The following INTS7 variants were observed in gnomAD, a reference collection of about 807,000 sequenced individuals.
INTS7 encodes integrator complex subunit 7.
A neutral mutation model predicts 109.2 loss-of-function variants in INTS7; 46 were observed. The observed-to-expected ratio is 0.42, with a 90% CI of 0.33 to 0.54. The LOEUF (loss-of-function observed/expected upper bound fraction) is 0.54. INTS7 is among the 20% of genes least tolerant of loss of function. The probability of loss-of-function intolerance (pLI) is 0.07; values close to 1 mark genes in which losing one functional copy is unlikely to be tolerated. For missense variants in INTS7, 929 were observed against 1,132.4 expected (o/e 0.82, Z 2.58); for synonymous variants, 412 against 402.9 (o/e 1.02, Z -0.27).
intron 7 of INTS7, among the ~76,000 whole-genome samples, chr1:211,997,394 G>A (rs1431199643): frequency 6.6e-6 from 1 of 151,716 alleles, no homozygotes; most frequent in South Asian, 2.1e-4. Context: ...AAATTAGACA[G>A]GCATGGTGGC....
chr1:212,012,929 T>TTGGAAGCACTGGAAGTATATATTTAATC (rs1666223572), intron 4 of INTS7, among the ~76,000 whole-genome samples: 1 of 152,198 alleles, frequency 6.6e-6, no homozygotes, highest in East Asian at 1.9e-4. Flanking sequence ...AAAACTATTT[T>TTGGAAGCACTGGAAGTATATATTTAATC]TGGAAGCACT....
At chr1:211,963,373 C>T (rs1348321627) in intron 16 of INTS7, among the ~76,000 whole-genome samples, 1 of 151,896 alleles carries the variant, frequency 6.6e-6, no homozygotes, top group Non-Finnish European at 1.5e-5. Flanking sequence ...AAAAAAAGCC[C>T]AGGACAAGAT....
intron 7 of INTS7, among the ~76,000 whole-genome samples, chr1:211,990,792 G>C (rs967951268): frequency 2.0e-5 from 3 of 152,188 alleles, no homozygotes; most frequent in Non-Finnish European, 2.9e-5. Context: ...AGTAAGATGG[G>C]GGGGATTAGG....
chr1:211,989,679 G>A lies in INTS7; in HGVS notation c.880-1676C>T, dbSNP rs556427363. On this transcript the variant is annotated intron_variant, in intron 7 of 19. Coordinates refer to ENST00000366994, the MANE Select transcript of INTS7 (RefSeq NM_015434.4). ...TCTACTAAAAACACAAAAATCAGCC[G>A]GGTGTGGTGGTGCACACCTGTAGTA... 4.2e-4 allele frequency among the ~76,000 whole-genome samples: 64 copies of A among 152,014 alleles called. 1 individual carries two copies. The highest frequency in any genetic ancestry group is 6.8e-3 in the Middle Eastern group (2 of 294).
At chr1:211,965,618 T>TAA (rs1663836606) in intron 16 of INTS7, among the ~76,000 whole-genome samples, 1 of 151,390 alleles carries the variant, frequency 6.6e-6, no homozygotes, top group Non-Finnish European at 1.5e-5. Context: ...TACGCAGCCA[T>TAA]AAAAAAGAAG....
At chr1:211,962,410 C>G (rs929612926) in intron 16 of INTS7, among the ~76,000 whole-genome samples, 8 of 152,102 alleles carry the variant, frequency 5.3e-5, no homozygotes, top group African/African-American at 1.9e-4. Flanking sequence ...TTCAAAGAGA[C>G]TTAGACTCCC....
At chr1:211,999,799 A>C (rs751920661) in intron 7 of INTS7, among the ~76,000 whole-genome samples, 6 of 152,210 alleles carry the variant, frequency 3.9e-5, no homozygotes, top group Non-Finnish European at 8.8e-5. Context: ...CGGCAAGTCT[A>C]ATCAAGGAAA....
In INTS7 at chr1:212,003,618, T is replaced by C. The variant is rs186950832; in HGVS notation, c.879+3021A>G. ...ATGAATTCCCTAAACAATAACAAAA[T>C]TGTATCAGAAAAAAGTTTAATTATA... On this transcript the variant is annotated intron_variant, in intron 7 of 19. Coordinates refer to ENST00000366994, the MANE Select transcript of INTS7 (RefSeq NM_015434.4). Among the ~76,000 whole-genome samples, 145 of 152,274 alleles carry C rather than the reference T, an allele frequency of 9.5e-4. 1 individual carries two copies. Among genetic ancestry groups the C allele is most frequent in the Non-Finnish European group, 4.4e-4 (30 of 68,014 alleles).
At chr1:211,956,388 G>C (rs1389297138) in intron 16 of INTS7, among the ~76,000 whole-genome samples, 3 of 152,062 alleles carry the variant, frequency 2.0e-5, no homozygotes, top group African/African-American at 4.8e-5. Context: ...ACCCAACCTT[G>C]TATTCCTGGG....
Position 212,020,175 on chromosome 1 carries a change from T to C in INTS7, c.318A>G (p.Arg106=), listed in dbSNP as rs1248942245. The C allele has an allele frequency of 1.3e-5, 21 of 1,610,094 alleles. No homozygotes were observed. Among genetic ancestry groups the C allele is most frequent in the Non-Finnish European group, 1.8e-5 (21 of 1,177,622 alleles). Residue 106 remains arginine, a synonymous_variant, in exon 3 of 20, where the codon AGA becomes AGG. Coordinates refer to ENST00000366994, the MANE Select transcript of INTS7 (RefSeq NM_015434.4). ...KILNVDEFVK[R]IFSVIHSNDP... ...CATTACTATGAATCACAGAAAAAAT[T>C]CTCTTCACAAATTCATCCACATTTA...
chr1:211,990,439 GA>G (rs1558041997), intron 7 of INTS7, among the ~76,000 whole-genome samples: 1 of 152,166 alleles, frequency 6.6e-6, no homozygotes, highest in East Asian at 1.9e-4. Context: ...AAAAGTTTAG[GA>G]AGGATACATA....
At chr1:211,974,802 T>A (rs1230085466) in intron 13 of INTS7, among the ~76,000 whole-genome samples, 1 of 152,164 alleles carries the variant, frequency 6.6e-6, no homozygotes, top group Non-Finnish European at 1.5e-5. Context: ...GAAACTTTAG[T>A]TACTTAGTCA....
chr1:212,015,101 GC>G (rs1666358161), intron 4 of INTS7, among the ~76,000 whole-genome samples: 1 of 141,380 alleles, frequency 7.1e-6, no homozygotes, highest in Non-Finnish European at 1.5e-5. Flanking sequence ...GGCGGCCCCC[GC>G]CCGGGCAGCC....
chr1:211,988,236 T>G (rs1664985743), intron 7 of INTS7, among the ~76,000 whole-genome samples: 1 of 151,760 alleles, frequency 6.6e-6, no homozygotes, highest in Non-Finnish European at 1.5e-5. Flanking sequence ...CAGCCTGGGC[T>G]CAAAGTGAGG....
intron 1 of INTS7, among the ~76,000 whole-genome samples, chr1:212,024,898 A>G (rs1666854462): frequency 6.6e-6 from 1 of 152,212 alleles, no homozygotes; most frequent in Non-Finnish European, 1.5e-5. Context: ...TCATCTCTCC[A>G]GAGAACATCT....
intron 7 of INTS7, among the ~76,000 whole-genome samples, chr1:212,001,578 G>C (rs1318196594): frequency 6.6e-6 from 1 of 152,200 alleles, no homozygotes; most frequent in Non-Finnish European, 1.5e-5. Context: ...AGCGGATACT[G>C]AGAGACCAAT....
chr1:211,948,415 C>G (rs1012061735), intron 17 of INTS7, among the ~76,000 whole-genome samples: 3 of 152,204 alleles, frequency 2.0e-5, no homozygotes, highest in African/African-American at 7.2e-5. Context: ...CTTTGGTGGA[C>G]CTCTGATGCC....
rs1476987828 is a variant in INTS7 at position 211,992,852 on chromosome 1, A to AT, written c.880-4850dup. Among the ~76,000 whole-genome samples the AT allele has an allele frequency of 2.0e-5, 3 of 152,194 alleles. No individual in the cohort carries two copies. In the East Asian group the frequency reaches 5.8e-4, roughly 29 times the overall value. ...CTATTACAAAATTGTTACCAGGACC[A>AT]TTTTTCATAACAAAAAGGAAAAACT... On this transcript the variant is annotated intron_variant, in intron 7 of 19. Transcript: ENST00000366994.
intron 17 of INTS7, among the ~76,000 whole-genome samples, chr1:211,951,833 G>A (rs953611850): frequency 6.6e-6 from 1 of 152,336 alleles, no homozygotes; most frequent in African/African-American, 2.4e-5. Context: ...TATAAAACCT[G>A]AGCAGAGATA....
Sources: gnomAD v4.1 joint callset for allele counts (sites outside exome capture counted in the v4.1 genomes callset) on GRCh38, gnomAD v4.1.1 for gene constraint, MANE v1.5 for transcripts, NCBI Gene and HGNC (gene_info 2026-07-23, HGNC 2026-07-21) for gene names.